Variants in FSTL5 observed in about 807,000 individuals in gnomAD.
FSTL5 encodes follistatin like 5.
Under a neutral mutation model 89.1 loss-of-function variants are expected in FSTL5, and 62 were observed. That is an observed-to-expected ratio of 0.70 (90% CI 0.57 to 0.86). The LOEUF (loss-of-function observed/expected upper bound fraction) is 0.86, where lower values mean the gene tolerates loss of function less well. Among genes scored for constraint, FSTL5 ranks in the 40% least tolerant of loss-of-function variants. The pLI is 0.00. For missense variants in FSTL5, 1,057 were observed against 1,001.6 expected, an observed-to-expected ratio of 1.06 and a Z score of -0.75; for synonymous variants, 383 against 346.2, an observed-to-expected ratio of 1.11 and a Z score of -1.18.
At chr4:161,478,482 G>A (rs78874991) in intron 13 of FSTL5, among the ~76,000 whole-genome samples, 2,644 of 152,178 alleles carry the variant, frequency 0.017, 72 homozygotes, top group African/African-American at 0.06. Flanking sequence ...TACAACTCAT[G>A]CCTTAACAAA....
chr4:162,061,785 A>G (rs1174706321), intron 2 of FSTL5, among the ~76,000 whole-genome samples: 2 of 152,172 alleles, frequency 1.3e-5, no homozygotes, highest in African/African-American at 4.8e-5. Flanking sequence ...GCTTAAGCAC[A>G]CAGGGACATA....
In FSTL5 at chr4:161,561,958, T is replaced by G. The variant is rs1441542260; in HGVS notation, c.1016-19265A>C. On this transcript the variant is annotated intron_variant, in intron 8 of 15. Transcript: ENST00000306100. ...ACAACAGTCTGCAAGTGTTCCACTT[T>G]CCCTCAGCTTTGCCAATTCCTGGGC... is the stretch of plus-strand genomic sequence containing the variant. Among the ~76,000 whole-genome samples, 9 of 152,016 alleles carry G rather than the reference T, an allele frequency of 5.9e-5. No individual in the cohort carries two copies. The South Asian group carries it at 1.2e-3, about 21-fold the overall frequency.
At chr4:161,425,223 A>T (rs1732130820) in intron 15 of FSTL5, among the ~76,000 whole-genome samples, 1 of 152,216 alleles carries the variant, frequency 6.6e-6, no homozygotes. Context: ...TGCTGTTAAA[A>T]GTTTTCAGAG....
intron 7 of FSTL5, among the ~76,000 whole-genome samples, chr4:161,595,084 T>C (rs565152634): frequency 1.1e-4 from 17 of 152,152 alleles, no homozygotes; most frequent in Non-Finnish European, 1.9e-4. Context: ...TTCTCTTTTT[T>C]TCAGGATTCT....
At chr4:161,404,115 C>A (rs903791172) in intron 15 of FSTL5, among the ~76,000 whole-genome samples, 1 of 152,142 alleles carries the variant, frequency 6.6e-6, no homozygotes, top group African/African-American at 2.4e-5. Flanking sequence ...TCTTGAAGTT[C>A]CCTGAAGTAA....
In FSTL5 at chr4:161,974,840, C is replaced by T. The variant is rs558820484; in HGVS notation, c.161-54188G>A. On this transcript the variant is annotated intron_variant, in intron 3 of 15. Transcript: ENST00000306100. Reference sequence around the variant, plus strand: ...AACCTACAACATGGGAGAAAATTTTCGCAACCTACTCATCTGACAAAGGGC... The same window carrying T: ...AACCTACAACATGGGAGAAAATTTTTGCAACCTACTCATCTGACAAAGGGC... Among the ~76,000 whole-genome samples, 280 of 151,276 alleles carry T rather than the reference C, an allele frequency of 1.9e-3. 2 individuals carry two copies. Among genetic ancestry groups the T allele is most frequent in the Middle Eastern group, 6.8e-3 (2 of 294 alleles).
chr4:161,594,155 C>T (rs913037394), intron 7 of FSTL5, among the ~76,000 whole-genome samples: 5 of 151,838 alleles, frequency 3.3e-5, no homozygotes, highest in African/African-American at 4.8e-5. Context: ...TAGACATAAA[C>T]ACAGGGCAAG....
At position 161,938,744 on chromosome 4, in the gene FSTL5, T is replaced by A. The variant is rs190477419; in HGVS notation, c.161-18092A>T. Among the ~76,000 whole-genome samples, 53 of 152,162 alleles carry A rather than the reference T, an allele frequency of 3.5e-4. 1 individual carries two copies. Among genetic ancestry groups the A allele is most frequent in the African/African-American group, 1.2e-3 (51 of 41,576 alleles). On this transcript the variant is annotated intron_variant, in intron 3 of 15. Coordinates refer to ENST00000306100, the MANE Select transcript of FSTL5 (RefSeq NM_020116.5). ...AAATAATTGCCTTTGATTTCTACTT[T>A]GTCAGAGCACTTGGTTATAAGATCC...
chr4:161,860,143 C>A (rs560011991), intron 4 of FSTL5, among the ~76,000 whole-genome samples: 1 of 152,098 alleles, frequency 6.6e-6, no homozygotes, highest in South Asian at 2.1e-4. Context: ...AAAAAATTAG[C>A]CGGGCGTGGT....
intron 1 of FSTL5, among the ~76,000 whole-genome samples, chr4:162,162,310 C>T (rs572993475): frequency 6.6e-5 from 10 of 152,090 alleles, no homozygotes; most frequent in Admixed American, 6.5e-4. Context: ...TTAGTGTACG[C>T]CTGCTGAAAA....
intron 4 of FSTL5, among the ~76,000 whole-genome samples, chr4:161,808,005 AG>A (rs1454163976): frequency 2.0e-5 from 3 of 152,202 alleles, no homozygotes; most frequent in African/African-American, 7.2e-5. Context: ...ATGGTTACTG[AG>A]TAGAAGAAAA....
intron 5 of FSTL5, among the ~76,000 whole-genome samples, chr4:161,762,531 G>T (rs1047125689): frequency 6.6e-6 from 1 of 151,916 alleles, no homozygotes; most frequent in Non-Finnish European, 1.5e-5. Context: ...TGAATATATC[G>T]TATTCAAATA....
chr4:161,874,755 A>C (rs1732386096), intron 4 of FSTL5, among the ~76,000 whole-genome samples: 1 of 152,086 alleles, frequency 6.6e-6, no homozygotes, highest in Non-Finnish European at 1.5e-5. Context: ...TATTAATTAT[A>C]GTATGCATCC....
At chr4:161,601,992 C>T (rs1734257208) in intron 7 of FSTL5, among the ~76,000 whole-genome samples, 1 of 151,836 alleles carries the variant, frequency 6.6e-6, no homozygotes, top group Non-Finnish European at 1.5e-5. Flanking sequence ...GAACTAACCT[C>T]AAATACAGTC....
At chr4:162,139,512 G>A (rs1057040094) in intron 1 of FSTL5, among the ~76,000 whole-genome samples, 2 of 151,562 alleles carry the variant, frequency 1.3e-5, no homozygotes, top group Admixed American at 6.6e-5. Context: ...CACATTAGGC[G>A]AAAGTTAGAG....
rs1365606969 is a variant in FSTL5, at chr4:161,561,399, G to T, written c.1016-18706C>A. On this transcript the variant is annotated intron_variant, in intron 8 of 15. Transcript: ENST00000306100. Reference sequence around the variant, plus strand: ...AAGATAAATGGAAAGTGAGAGAATAGGTAAATCCACAGAAAGAGAGAGTAG... The same window carrying T: ...AAGATAAATGGAAAGTGAGAGAATATGTAAATCCACAGAAAGAGAGAGTAG... Among the ~76,000 whole-genome samples, 9 of 151,938 alleles carry T rather than the reference G, an allele frequency of 5.9e-5. No individual in the cohort carries two copies. In the South Asian group the frequency reaches 1.2e-3, roughly 21 times the overall value.
chr4:161,574,954 C>T (rs1361760004), intron 8 of FSTL5, among the ~76,000 whole-genome samples: 1 of 152,166 alleles, frequency 6.6e-6, no homozygotes, highest in Non-Finnish European at 1.5e-5. Flanking sequence ...AACTAATTTA[C>T]ACTCCTACCA....
chr4:161,473,869 G>A (rs1202582865), intron 13 of FSTL5, among the ~76,000 whole-genome samples: 1 of 152,132 alleles, frequency 6.6e-6, no homozygotes, highest in Admixed American at 6.5e-5. Flanking sequence ...TGAGCCTCTT[G>A]TAGATAGCAT....
intron 11 of FSTL5, among the ~76,000 whole-genome samples, chr4:161,506,275 A>G (rs1490439418): frequency 6.6e-6 from 1 of 151,040 alleles, no homozygotes; most frequent in African/African-American, 2.4e-5. Context: ...TTTTTGCTAT[A>G]TTGCCTAGGC....
Sources: gnomAD v4.1 joint callset for allele counts (sites outside exome capture counted in the v4.1 genomes callset) on GRCh38, gnomAD v4.1.1 for gene constraint, MANE v1.5 for transcripts, NCBI Gene and HGNC (gene_info 2026-07-23, HGNC 2026-07-21) for gene names.